Variants in MACROD2 observed in about 807,000 individuals in gnomAD.
MACROD2 encodes ADP-ribose glycohydrolase MACROD2.
Under a neutral mutation model 70.4 loss-of-function variants are expected in MACROD2, and 36 were observed. The observed-to-expected ratio is 0.51, with a 90% confidence interval of 0.39 to 0.68. The LOEUF (loss-of-function observed/expected upper bound fraction) is 0.68, where lower values mean the gene tolerates loss of function less well. Ranked by LOEUF, MACROD2 falls within the 30% of genes least tolerant of loss-of-function variation. The pLI, the probability that MACROD2 is intolerant of heterozygous loss-of-function variation, is 0.00. For synonymous variants in MACROD2, 172 were observed against 178.8 expected (o/e 0.96, Z 0.30); for missense variants, 496 against 538.4 (o/e 0.92, Z 0.78).
chr20:15,987,430 A>C (rs1392267834), intron 15 of MACROD2, among the ~76,000 whole-genome samples: 1 of 152,198 alleles, frequency 6.6e-6, no homozygotes, highest in Non-Finnish European at 1.5e-5. Context: ...TACAGTATTG[A>C]GAAAGCCTAT....
At chr20:14,650,712 G>A (rs1054489687) in intron 4 of MACROD2, among the ~76,000 whole-genome samples, 16 of 152,126 alleles carry the variant, frequency 1.1e-4, no homozygotes, top group Non-Finnish European at 2.4e-4. Context: ...CAAATGATTA[G>A]ATTTTTTGAG....
At position 14,036,818 on chromosome 20, in the gene MACROD2, C is replaced by T. The variant is rs551725518; in HGVS notation, c.163+34414C>T. 5.3e-5 allele frequency among the ~76,000 whole-genome samples: 8 copies of T among 152,306 alleles called. No homozygotes were observed. In the East Asian group the frequency reaches 1.5e-3, roughly 29 times the overall value. On this transcript the variant is annotated intron_variant, in intron 2 of 17. Transcript: ENST00000684519. ...AGCTGGGACCACTGGTGTGCACCAC[C>T]ACGCCTAGCCACTTTTGTGTTTTTT...
At chr20:14,093,276 A>G (rs937591521) in intron 3 of MACROD2, among the ~76,000 whole-genome samples, 1 of 151,676 alleles carries the variant, frequency 6.6e-6, no homozygotes, top group African/African-American at 2.4e-5. Flanking sequence ...CTGTAGAGAC[A>G]GCATCCTGCT....
At chr20:14,844,317 C>T (rs1435642199) in intron 5 of MACROD2, among the ~76,000 whole-genome samples, 1 of 151,824 alleles carries the variant, frequency 6.6e-6, no homozygotes, top group African/African-American at 2.4e-5. Flanking sequence ...AGTTCGAGAC[C>T]AGCCTGGCTA....
intron 3 of MACROD2, among the ~76,000 whole-genome samples, chr20:14,385,526 T>C (rs986039323): frequency 1.3e-4 from 20 of 152,140 alleles, no homozygotes; most frequent in African/African-American, 4.8e-4. Context: ...ATGTCAAAGA[T>C]AGCATTTTTA....
intron 3 of MACROD2, among the ~76,000 whole-genome samples, chr20:14,469,807 T>A (rs1340417568): frequency 6.6e-6 from 1 of 151,998 alleles, no homozygotes; most frequent in African/African-American, 2.4e-5. Flanking sequence ...CTAAACTGGT[T>A]ATTCTAGTTA....
chr20:15,225,523 T>G (rs2076898116), intron 5 of MACROD2, among the ~76,000 whole-genome samples: 1 of 152,228 alleles, frequency 6.6e-6, no homozygotes, highest in Non-Finnish European at 1.5e-5. Context: ...TATTAACTGC[T>G]AGTTTATCCT....
chr20:14,205,557 C>A (rs1486073000), intron 3 of MACROD2, among the ~76,000 whole-genome samples: 1 of 152,182 alleles, frequency 6.6e-6, no homozygotes, highest in African/African-American at 2.4e-5. Flanking sequence ...TAGTCTGACC[C>A]ACTTCACATT....
intron 3 of MACROD2, among the ~76,000 whole-genome samples, chr20:14,235,089 A>C (rs1040814646): frequency 6.6e-6 from 1 of 152,136 alleles, no homozygotes; most frequent in African/African-American, 2.4e-5. Flanking sequence ...AGTAGTCTAA[A>C]CAGAGGAGTC....
intron 6 of MACROD2, among the ~76,000 whole-genome samples, chr20:15,301,591 C>CTGTTTTTTTTTTTTTTTT (rs2077642964): frequency 1.2e-5 from 1 of 81,250 alleles, no homozygotes; most frequent in African/African-American, 4.7e-5. Context: ...GGTAGGTGGC[C>CTGTTTTTTTTTTTTTTTT]TTTTTTTTTT....
At chr20:14,449,403 A>G (rs772892531) in intron 3 of MACROD2, among the ~76,000 whole-genome samples, 1 of 152,138 alleles carries the variant, frequency 6.6e-6, no homozygotes, top group Non-Finnish European at 1.5e-5. Flanking sequence ...ATTCAGTCCA[A>G]ATAAATTCAA....
chr20:15,322,572 C>G lies in MACROD2; in HGVS notation c.540+92511C>G, dbSNP rs970306874. ...GAAAACCAAAATTCGTACTCTCCCC[C>G]GCTCAACTATTTAGCCTGAGGTAAT... On this transcript the variant is annotated intron_variant, in intron 6 of 17. Coordinates refer to ENST00000684519, the MANE Select transcript of MACROD2 (RefSeq NM_001351661.2). 1.4e-5 allele frequency among the ~76,000 whole-genome samples: 2 copies of G among 144,180 alleles called. 1 individual carries two copies. The highest frequency in any genetic ancestry group is 3.1e-5 in the Non-Finnish European group (2 of 63,714). 94.6% of individuals were successfully genotyped at this position (144,180 alleles called of 152,430 possible).
chr20:14,080,364 A>G (rs1208005276), intron 2 of MACROD2, among the ~76,000 whole-genome samples: 1 of 142,424 alleles, frequency 7.0e-6, no homozygotes, highest in African/African-American at 2.6e-5. Context: ...AATGGCATGA[A>G]CCTGGGAGGC....
chr20:15,291,304 T>C (rs756513626), intron 6 of MACROD2, among the ~76,000 whole-genome samples: 2 of 152,214 alleles, frequency 1.3e-5, no homozygotes, highest in Non-Finnish European at 2.9e-5. Context: ...GGGATTTAGA[T>C]GGATCAGCTG....
intron 6 of MACROD2, among the ~76,000 whole-genome samples, chr20:15,247,055 G>A (rs1237327198): frequency 6.6e-6 from 1 of 152,176 alleles, no homozygotes; most frequent in Non-Finnish European, 1.5e-5. Flanking sequence ...TCAGGGAATG[G>A]GGTGTGACTG....
chr20:14,502,675 C>A (rs1444397788), intron 4 of MACROD2, among the ~76,000 whole-genome samples: 1 of 152,038 alleles, frequency 6.6e-6, no homozygotes, highest in Admixed American at 6.6e-5. Flanking sequence ...ATGAAAGTTG[C>A]TGGATAATTG....
chr20:15,599,152 G>A (rs1343597203), intron 8 of MACROD2, among the ~76,000 whole-genome samples: 4 of 152,036 alleles, frequency 2.6e-5, no homozygotes, highest in Non-Finnish European at 2.9e-5. Context: ...AGGCCAAGGC[G>A]GGCGGATCAC....
Position 15,438,108 on chromosome 20 carries a change from T to A in MACROD2, c.571+6673T>A, listed in dbSNP as rs544585114. Among the ~76,000 whole-genome samples, 4 of 150,958 alleles carry A rather than the reference T, an allele frequency of 2.6e-5. No individual in the cohort carries two copies. The South Asian group carries it at 8.4e-4, about 32-fold the overall frequency. The stretch of plus-strand genomic sequence containing the variant: ...AGGTGGAAGTTGCAGTGAGCCAAGA[T>A]CACACCATTGCACTCCAGCCTGGGC... On this transcript the variant is annotated intron_variant, in intron 7 of 17. Transcript: ENST00000684519.
At chr20:14,271,765 A>G (rs1034157738) in intron 3 of MACROD2, among the ~76,000 whole-genome samples, 1 of 152,292 alleles carries the variant, frequency 6.6e-6, no homozygotes, top group African/African-American at 2.4e-5. Flanking sequence ...AGACAAATGT[A>G]TAACTAGAAT....
Sources: gnomAD v4.1 joint callset for allele counts (sites outside exome capture counted in the v4.1 genomes callset) on GRCh38, gnomAD v4.1.1 for gene constraint, MANE v1.5 for transcripts, NCBI Gene and HGNC (gene_info 2026-07-23, HGNC 2026-07-21) for gene names.